ASTN2: variants seen among roughly 807,000 people sequenced by gnomAD.
The protein encoded by ASTN2 is astrotactin 2.
ASTN2 carries 54 observed loss-of-function variants against 139.8 expected under a neutral mutation model. The ratio of observed to expected loss-of-function variants is 0.39; its 90% CI spans 0.31 to 0.48. The LOEUF is 0.48. Among genes scored for constraint, ASTN2 ranks in the 20% least tolerant of loss-of-function variants. The pLI is 0.95. For missense variants in ASTN2, 1,565 were observed against 1,725.1 expected (o/e 0.91, Z 1.64); for synonymous variants, 756 against 719.5 (o/e 1.05, Z -0.81).
intron 7 of ASTN2, among the ~76,000 whole-genome samples, chr9:116,977,018 T>A (rs1836359242): frequency 6.6e-6 from 1 of 152,100 alleles, no homozygotes; most frequent in Non-Finnish European, 1.5e-5. Flanking sequence ...GGTGCTCAGC[T>A]CAGCACTGGA....
chr9:116,979,099 T>C (rs905650764), intron 7 of ASTN2, among the ~76,000 whole-genome samples: 8 of 152,322 alleles, frequency 5.3e-5, no homozygotes, highest in African/African-American at 1.9e-4. Flanking sequence ...AAAAACACTG[T>C]AACTTGTTTT....
chr9:116,993,703 GTATCA>G (rs934383778), intron 7 of ASTN2, among the ~76,000 whole-genome samples: 60 of 147,108 alleles, frequency 4.1e-4, no homozygotes, highest in Non-Finnish European at 7.3e-4. Context: ...ATGATAAAGT[GTATCA>G]TATATTATAT....
At chr9:116,435,059 C>T (rs1847608796) in intron 22 of ASTN2, among the ~76,000 whole-genome samples, 1 of 152,164 alleles carries the variant, frequency 6.6e-6, no homozygotes, top group East Asian at 1.9e-4. Flanking sequence ...CAACCTGGGT[C>T]CCTCAGAAAC....
At chr9:116,790,975 GA>G (rs758547163) in intron 13 of ASTN2, among the ~76,000 whole-genome samples, 25 of 30,196 alleles carry the variant, frequency 8.3e-4, no homozygotes, top group African/African-American at 2.9e-3. Flanking sequence ...AGGAAAGAAA[GA>G]AAGAAAGAAA....
At chr9:117,022,144 T>TTG (rs1208575976) in intron 6 of ASTN2, among the ~76,000 whole-genome samples, 6 of 152,220 alleles carry the variant, frequency 3.9e-5, no homozygotes, top group Non-Finnish European at 7.4e-5. Flanking sequence ...ACACATCAGA[T>TTG]TGTGTGTGTG....
intron 20 of ASTN2, among the ~76,000 whole-genome samples, chr9:116,444,048 C>G (rs1308986728): frequency 1.3e-5 from 2 of 152,106 alleles, no homozygotes; most frequent in South Asian, 2.1e-4. Context: ...TAAGAGTTAC[C>G]TACATTAACA....
intron 1 of ASTN2, among the ~76,000 whole-genome samples, chr9:117,323,784 A>AT (rs1363260155): frequency 2.6e-5 from 4 of 152,030 alleles, no homozygotes; most frequent in Admixed American, 2.0e-4. Flanking sequence ...TTATATATAT[A>AT]TTTTTTATTT....
intron 16 of ASTN2, chr9:116,700,264 G>A (rs1861106320): frequency 5.8e-6 from 1 of 173,654 alleles, no homozygotes; most frequent in Non-Finnish European, 1.4e-5. Context: ...TTCATTTAGT[G>A]CTACCAAAGG....
At chr9:116,771,344 T>C (rs1193974867) in intron 13 of ASTN2, among the ~76,000 whole-genome samples, 2 of 152,168 alleles carry the variant, frequency 1.3e-5, no homozygotes, top group Non-Finnish European at 2.9e-5. Context: ...CAGTGGAGGA[T>C]AGTGAATGTC....
rs200517054 is a variant in ASTN2 at position 116,502,872 on chromosome 9, AAAG to A, written c.3356-15375_3356-15373del. ...AGGAAGGAAGATGAAAGGAAAGAAA[AAAG>A]AGAGGAAGGAAAGAAGAAGGGAAGG... On this transcript the variant is annotated intron_variant, in intron 19 of 22. Coordinates refer to ENST00000313400, the MANE Select transcript of ASTN2 (RefSeq NM_001365068.1). Among the ~76,000 whole-genome samples, 307 of 147,066 alleles carry A rather than the reference AAAG, an allele frequency of 2.1e-3. 1 individual carries two copies. Among genetic ancestry groups the A allele is most frequent in the African/African-American group, 6.3e-3 (249 of 39,594 alleles).
At chr9:116,806,152 C>T (rs954126977) in intron 12 of ASTN2, among the ~76,000 whole-genome samples, 6 of 152,214 alleles carry the variant, frequency 3.9e-5, no homozygotes, top group Non-Finnish European at 7.3e-5. Flanking sequence ...AGGGAATCAT[C>T]AACTAGTGTC....
intron 16 of ASTN2, among the ~76,000 whole-genome samples, chr9:116,656,580 A>G (rs1353491612): frequency 6.6e-6 from 1 of 151,710 alleles, no homozygotes; most frequent in Admixed American, 6.6e-5. Context: ...TTCAAGCCCA[A>G]TTCAGTTCCA....
At chr9:116,461,205 CTAATA>C (rs572011783) in intron 20 of ASTN2, among the ~76,000 whole-genome samples, 39 of 151,158 alleles carry the variant, frequency 2.6e-4, no homozygotes, top group African/African-American at 4.3e-4. Flanking sequence ...TTATAATCTT[CTAATA>C]TATTATATAA....
At chr9:116,961,195 AT>A (rs1835866960) in intron 10 of ASTN2, among the ~76,000 whole-genome samples, 1 of 57,534 alleles carries the variant, frequency 1.7e-5, no homozygotes, top group African/African-American at 7.1e-5. Context: ...GCCCCCCACC[AT>A]TTTTTATTTT....
chr9:116,853,189 A>G (rs1832656084), intron 11 of ASTN2, among the ~76,000 whole-genome samples: 1 of 152,146 alleles, frequency 6.6e-6, no homozygotes, highest in Admixed American at 6.6e-5. Context: ...GTAGTTAAGA[A>G]AGGGGGCCTT....
rs201414445 is a variant in ASTN2 at position 116,898,880 on chromosome 9, C to G, written c.1890-35147G>C. 7.2e-5 allele frequency among the ~76,000 whole-genome samples: 11 copies of G among 152,198 alleles called. No homozygotes were observed. The East Asian group carries it at 2.1e-3, about 30-fold the overall frequency. The stretch of plus-strand genomic sequence containing the variant: ...TAGAGATGGGTCTCACTATATCGCC[C>G]TAGCTGGTCTCAAACTCTTGGGCTC... On this transcript the variant is annotated intron_variant, in intron 10 of 22. Transcript: ENST00000313400.
intron 16 of ASTN2, among the ~76,000 whole-genome samples, chr9:116,682,478 G>A (rs1415809412): frequency 6.6e-6 from 1 of 152,160 alleles, no homozygotes; most frequent in East Asian, 1.9e-4. Flanking sequence ...CAATTCCTCA[G>A]GGATCTAGAA....
chr9:117,146,785 A>G (rs950771330), intron 3 of ASTN2, among the ~76,000 whole-genome samples: 3 of 152,168 alleles, frequency 2.0e-5, no homozygotes, highest in Admixed American at 2.0e-4. Flanking sequence ...CACCTGTTCT[A>G]TGAGAAAAAA....
intron 13 of ASTN2, among the ~76,000 whole-genome samples, chr9:116,763,731 G>A (rs1829735334): frequency 1.3e-5 from 2 of 152,146 alleles, no homozygotes; most frequent in Admixed American, 1.3e-4. Context: ...CAGCTGTCAG[G>A]GTTACAGAGA....
Sources: gnomAD v4.1 joint callset for allele counts (sites outside exome capture counted in the v4.1 genomes callset) on GRCh38, gnomAD v4.1.1 for gene constraint, MANE v1.5 for transcripts, NCBI Gene and HGNC (gene_info 2026-07-23, HGNC 2026-07-21) for gene names.